The following RBFOX1 variants were observed in gnomAD, a reference collection of about 807,000 sequenced individuals.
The protein encoded by RBFOX1 is RNA binding fox-1 homolog 1, also known as RNA binding protein fox-1 homolog 1.
RBFOX1 carries 8 observed loss-of-function variants against 57.7 expected under a neutral mutation model. The observed-to-expected ratio is 0.14, with a 90% CI of 0.08 to 0.25. RBFOX1 has a LOEUF of 0.25. RBFOX1 is among the 10% of genes least tolerant of loss of function. RBFOX1 has a pLI of 1.00. For synonymous variants in RBFOX1, 326 were observed against 222.4 expected, an observed-to-expected ratio of 1.47 and a Z score of -4.15; for missense variants, 611 against 548.5, an observed-to-expected ratio of 1.11 and a Z score of -1.14.
At chr16:7,425,686 T>C (rs1298237086) in intron 4 of RBFOX1, among the ~76,000 whole-genome samples, 1 of 152,246 alleles carries the variant, frequency 6.6e-6, no homozygotes, top group Admixed American at 6.5e-5. Flanking sequence ...AAAATAGAAG[T>C]TATCCTACCT....
intron 3 of RBFOX1, among the ~76,000 whole-genome samples, chr16:6,865,815 G>C (rs2059814491): frequency 1.3e-5 from 2 of 152,102 alleles, no homozygotes; most frequent in Non-Finnish European, 2.9e-5. Context: ...TGCACACGGA[G>C]AATTTTCAGG....
chr16:7,330,495 TG>T (rs2096672159), intron 4 of RBFOX1, among the ~76,000 whole-genome samples: 1 of 100,066 alleles, frequency 1.0e-5, no homozygotes, highest in African/African-American at 5.7e-5. Flanking sequence ...TGTGTGTGTG[TG>T]TGTGTGTGTG....
intron 4 of RBFOX1, among the ~76,000 whole-genome samples, chr16:7,337,023 A>G (rs2096800817): frequency 6.6e-6 from 1 of 152,210 alleles, no homozygotes; most frequent in South Asian, 2.1e-4. Flanking sequence ...AACTTTCTGA[A>G]AAAGCCCCCA....
At chr16:5,270,777 A>G in intron 1 of RBFOX1, 1 of 465,002 alleles carries the variant, frequency 2.2e-6, no homozygotes, top group Non-Finnish European at 4.1e-6. Context: ...AGGCTTGCCA[A>G]TTTATCCTCT....
At chr16:6,917,639 A>G (rs1303127689) in intron 3 of RBFOX1, among the ~76,000 whole-genome samples, 1 of 152,182 alleles carries the variant, frequency 6.6e-6, no homozygotes, top group Non-Finnish European at 1.5e-5. Flanking sequence ...GTGGGAGTTA[A>G]GATGTTCCAG....
intron 1 of RBFOX1, among the ~76,000 whole-genome samples, chr16:6,240,165 C>T (rs1183268399): frequency 1.3e-5 from 2 of 152,124 alleles, no homozygotes; most frequent in African/African-American, 4.8e-5. Flanking sequence ...TTGAGGCCTT[C>T]CCAGAAGCCA....
At chr16:7,400,896 G>T (rs1295159624) in intron 4 of RBFOX1, among the ~76,000 whole-genome samples, 1 of 152,162 alleles carries the variant, frequency 6.6e-6, no homozygotes, top group African/African-American at 2.4e-5. Context: ...TGCGGTTGAT[G>T]ATCTTTGCAA....
intron 2 of RBFOX1, among the ~76,000 whole-genome samples, chr16:6,341,357 G>A (rs541464907): frequency 3.3e-5 from 5 of 151,884 alleles, no homozygotes; most frequent in East Asian, 1.9e-4. Context: ...CTTTTACCTC[G>A]TTCTTCTCCA....
intron 4 of RBFOX1, among the ~76,000 whole-genome samples, chr16:7,209,226 T>G (rs1013969373): frequency 2.0e-5 from 3 of 151,808 alleles, no homozygotes; most frequent in African/African-American, 7.3e-5. Flanking sequence ...TGCCAGCTAC[T>G]TGGGAGACTG....
chr16:7,331,123 G>A (rs1050607065), intron 4 of RBFOX1, among the ~76,000 whole-genome samples: 3 of 152,256 alleles, frequency 2.0e-5, no homozygotes, highest in Admixed American at 1.3e-4. Context: ...GTCCGCCGTC[G>A]TTATCTAGAA....
At chr16:7,053,696 A>T (rs145916625) in intron 4 of RBFOX1, among the ~76,000 whole-genome samples, 4 of 152,280 alleles carry the variant, frequency 2.6e-5, no homozygotes, top group African/African-American at 7.2e-5. Flanking sequence ...AGTGTGGTTT[A>T]GGTTCAAGAA....
intron 3 of RBFOX1, among the ~76,000 whole-genome samples, chr16:6,740,822 C>G (rs551972474): frequency 1.4e-4 from 22 of 152,148 alleles, no homozygotes; most frequent in Non-Finnish European, 2.4e-4. Context: ...GTAATGCAAT[C>G]ATTTCAAAAT....
At chr16:7,046,894 C>G (rs2048166657) in intron 3 of RBFOX1, among the ~76,000 whole-genome samples, 1 of 152,058 alleles carries the variant, frequency 6.6e-6, no homozygotes, top group Non-Finnish European at 1.5e-5. Flanking sequence ...GCGTGAGCCC[C>G]TGCGCCTGGC....
intron 1 of RBFOX1, among the ~76,000 whole-genome samples, chr16:5,353,302 C>T (rs952045012): frequency 8.0e-5 from 12 of 150,298 alleles, no homozygotes; most frequent in Admixed American, 5.3e-4. Context: ...TGCTTGAGCC[C>T]GGGAGGCAGA....
intron 3 of RBFOX1, among the ~76,000 whole-genome samples, chr16:6,853,318 G>T (rs767597296): frequency 6.6e-6 from 1 of 152,138 alleles, no homozygotes; most frequent in African/African-American, 2.4e-5. Flanking sequence ...TATGAGGATG[G>T]TGGTGGTAGT....
At chr16:6,747,403 T>C (rs2073934188) in intron 3 of RBFOX1, among the ~76,000 whole-genome samples, 1 of 142,410 alleles carries the variant, frequency 7.0e-6, no homozygotes, top group Non-Finnish European at 1.5e-5. Context: ...TGAGACTCAG[T>C]CTCAAAAAGA....
intron 14 of RBFOX1, among the ~76,000 whole-genome samples, chr16:7,690,427 A>G (rs2077067555): frequency 6.6e-6 from 1 of 152,138 alleles, no homozygotes; most frequent in South Asian, 2.1e-4. Context: ...TTAGAAGTGC[A>G]CCAATTATTT....
At chr16:7,699,889 C>T (rs926241466) in intron 14 of RBFOX1, among the ~76,000 whole-genome samples, 1 of 152,074 alleles carries the variant, frequency 6.6e-6, no homozygotes, top group Admixed American at 6.6e-5. Flanking sequence ...TCCCCAAGAA[C>T]TGGTCATTTG....
chr16:6,419,734 A>G (rs1260606727), intron 2 of RBFOX1, among the ~76,000 whole-genome samples: 1 of 152,082 alleles, frequency 6.6e-6, no homozygotes, highest in African/African-American at 2.4e-5. Flanking sequence ...GTCGTGTTCT[A>G]TCTTTTACAC....
Sources: gnomAD v4.1 joint callset for allele counts (sites outside exome capture counted in the v4.1 genomes callset) on GRCh38, gnomAD v4.1.1 for gene constraint, MANE v1.5 for transcripts, NCBI Gene and HGNC (gene_info 2026-07-23, HGNC 2026-07-21) for gene names.